TUBB4A: variants seen among roughly 807,000 people sequenced by gnomAD.
TUBB4A encodes the protein tubulin beta 4A class IVa.
A neutral mutation model predicts 35.1 loss-of-function variants in TUBB4A; 13 were observed. That is an observed-to-expected ratio of 0.37 (90% confidence interval 0.24 to 0.59). The LOEUF (loss-of-function observed/expected upper bound fraction) is 0.59. Among genes scored for constraint, TUBB4A ranks in the 20% least tolerant of loss-of-function variants. The pLI is 0.71. For missense variants in TUBB4A, 299 were observed against 647.2 expected (o/e 0.46, Z 5.84); for synonymous variants, 279 against 272.4 (o/e 1.02, Z -0.24).
At chr19:6,496,851 C>A (rs1051399520) in intron 3 of TUBB4A, among the ~76,000 whole-genome samples, 1 of 146,300 alleles carries the variant, frequency 6.8e-6, no homozygotes, top group Non-Finnish European at 1.5e-5. Context: ...AACACTCCCC[C>A]GCCCCCTGCC....
chr19:6,501,233 G>A lies in TUBB4A; in HGVS notation c.277+54C>T, dbSNP rs750657624. The A allele has an allele frequency of 3.4e-6, 5 of 1,477,376 alleles. No individual in the cohort carries two copies. The highest frequency in any genetic ancestry group is 4.7e-6 in the Non-Finnish European group (5 of 1,069,924). The allele number at this position is 1,477,376 out of a possible 1,614,324, so 91.5% of individuals were successfully genotyped here. A position where few individuals can be genotyped will look rare whatever the true frequency, so the allele number is the denominator to read the frequency against. The stretch of plus-strand genomic sequence containing the variant: ...CGGTGGTGGCTGTTGACTCTGTGGT[G>A]TTAGCAGGAATAAGGAGGTTTTCCA... On this transcript the variant is annotated intron_variant, in intron 3 of 3. Coordinates refer to ENST00000264071, the MANE Select transcript of TUBB4A (RefSeq NM_006087.4). This position sits in a 1 kb window ranked among gnomAD's most constrained non-coding sequence, Gnocchi z 4.2.
intron 3 of TUBB4A, among the ~76,000 whole-genome samples, chr19:6,497,989 A>G (rs1599410509): frequency 6.6e-6 from 1 of 150,970 alleles, no homozygotes; most frequent in African/African-American, 2.4e-5. Flanking sequence ...AGGCGGGCGG[A>G]TAGCGAGGTC....
At chr19:6,502,409 G>A (rs1914585317), upstream of TUBB4A, 3 of 595,092 alleles carry the variant, frequency 5.0e-6, no homozygotes, top group Admixed American at 8.3e-5. Context: ...CGGGATGATG[G>A]AGGGGGCTGG....
chr19:6,500,211 C>T (rs1269707820), intron 3 of TUBB4A, among the ~76,000 whole-genome samples: 3 of 152,190 alleles, frequency 2.0e-5, no homozygotes, highest in African/African-American at 7.2e-5. Context: ...TCATGGCAGC[C>T]TCAACCTCCC....
chr19:6,497,027 ATATATATATATATATATATATAT>A (rs1914270518), intron 3 of TUBB4A, among the ~76,000 whole-genome samples: 7 of 15,968 alleles, frequency 4.4e-4, no homozygotes, highest in African/African-American at 6.3e-4. Context: ...AAAAAAAAAT[ATATATATATATATATATATATAT>A]ATATATATAT....
rs1914522524 is a variant in TUBB4A, at chr19:6,501,321, G to C, written c.243C>G (p.Phe81Leu). The C allele has an allele frequency of 1.2e-6, 2 of 1,614,052 alleles. No homozygotes were observed. Among genetic ancestry groups the C allele is most frequent in the Non-Finnish European group, 1.7e-6 (2 of 1,179,950 alleles). ...AGTTGTCCGGCCGAAAGATCTGACC[G>C]AAGGGGCCAGAACGGACAGAGTCCA... Reference protein sequence around the residue: ...GTMDSVRSGPFGQIFRPDNFV... With the variant: ...GTMDSVRSGPLGQIFRPDNFV... The change falls in exon 3 of 4, where the codon TTC (phenylalanine) becomes TTG (leucine). Residue 81 changes from phenylalanine to leucine, a missense_variant. Transcript: ENST00000264071. The surrounding 1 kb of genome is among the most constrained non-coding windows in gnomAD (Gnocchi z 4.2).
intron 3 of TUBB4A, among the ~76,000 whole-genome samples, chr19:6,500,245 T>C (rs1028402927): frequency 2.0e-5 from 3 of 152,192 alleles, no homozygotes; most frequent in African/African-American, 7.2e-5. Context: ...TCTCCTACCT[T>C]AGCCTCACGA....
chr19:6,501,454 G>C lies in TUBB4A; in HGVS notation c.167-57C>G. ...GCGTGCCAGGAACCACAGGCGCCCG[G>C]TAGCATCCTGTTCCCTCCCAGCTGC... On this transcript the variant is annotated intron_variant, in intron 2 of 3. Transcript: ENST00000264071. This position sits in a 1 kb window ranked among gnomAD's most constrained non-coding sequence, Gnocchi z 4.2. The C allele has an allele frequency of 1.2e-6, 2 of 1,601,160 alleles. No individual in the cohort carries two copies. The highest frequency in any genetic ancestry group is 2.2e-5 in the South Asian group (2 of 90,372).
intron 3 of TUBB4A, among the ~76,000 whole-genome samples, chr19:6,497,064 T>TATATAA (rs1219805200): frequency 1.2e-4 from 9 of 74,640 alleles, no homozygotes; most frequent in African/African-American, 1.6e-4. Context: ...TATATATATA[T>TATATAA]AAATTAGCCA....
rs1368862722 is a variant in TUBB4A at position 6,502,240 on chromosome 19, G to A, written c.-28C>T. 4 of 1,508,102 alleles carry A rather than the reference G, an allele frequency of 2.7e-6. No homozygotes were observed. Among genetic ancestry groups the A allele is most frequent in the Non-Finnish European group, 2.6e-6 (3 of 1,136,852 alleles). The allele number at this position is 1,508,102 out of a possible 1,614,324, so 93.4% of individuals were successfully genotyped here. On this transcript the variant is annotated 5_prime_UTR_variant, in exon 1 of 4. Transcript: ENST00000264071. ...CGGTGGCGCTGAGGGTGGACGCGGCGGCGGTGGCACGAGCGCGGGGAGCTG... is the reference window on the plus strand; with the variant it reads ...CGGTGGCGCTGAGGGTGGACGCGGCAGCGGTGGCACGAGCGCGGGGAGCTG...
At chr19:6,496,696 C>T (rs898996990) in intron 3 of TUBB4A, among the ~76,000 whole-genome samples, 3 of 149,578 alleles carry the variant, frequency 2.0e-5, no homozygotes, top group East Asian at 2.0e-4. Flanking sequence ...GGTGAGCGAT[C>T]GTAGTCCCTG....
chr19:6,500,389 CTCCCAAAG>C, intron 3 of TUBB4A, among the ~76,000 whole-genome samples: 1 of 152,306 alleles, frequency 6.6e-6, no homozygotes, highest in East Asian at 1.9e-4. Context: ...CTGACTCAGC[CTCCCAAAG>C]TCCTGGGTTT....
chr19:6,501,503 C>T lies in TUBB4A; in HGVS notation c.166+12G>A, dbSNP rs1266617325. ...GCCCCTTCCCACCTGGAAGGTGCCTCCTTCGCCCTACCTGTGGCCTCGTTG... is the reference window on the plus strand; with the variant it reads ...GCCCCTTCCCACCTGGAAGGTGCCTTCTTCGCCCTACCTGTGGCCTCGTTG... On this transcript the variant is annotated intron_variant, in intron 2 of 3. Coordinates refer to ENST00000264071, the MANE Select transcript of TUBB4A (RefSeq NM_006087.4). The surrounding 1 kb of genome is among the most constrained non-coding windows in gnomAD (Gnocchi z 4.2). 1 of 1,612,758 alleles carries T rather than the reference C, an allele frequency of 6.2e-7. No individual in the cohort carries two copies. The highest frequency in any genetic ancestry group is 8.5e-7 in the Non-Finnish European group (1 of 1,179,144).
Position 6,501,791 on chromosome 19 carries a change from C to T in TUBB4A, c.58-168G>A. 1 of 624,468 alleles carries T rather than the reference C, an allele frequency of 1.6e-6. No individual in the cohort carries two copies. Among genetic ancestry groups the T allele is most frequent in the Non-Finnish European group, 2.8e-6 (1 of 359,946 alleles). 38.7% of individuals were successfully genotyped at this position (624,468 alleles called of 1,614,324 possible). ...GCGAGGATGAGGCAGCAAGAAGGAG[C>T]GGTGGGGGCGGGGTGCAGCCGAGTC... On this transcript the variant is annotated intron_variant, in intron 1 of 3. Transcript: ENST00000264071. This position sits in a 1 kb window ranked among gnomAD's most constrained non-coding sequence, Gnocchi z 4.2.
rs1362437399 is a variant in TUBB4A, at chr19:6,501,814, G to C, written c.58-191C>G. The stretch of plus-strand genomic sequence containing the variant: ...AGCGGTGGGGGCGGGGTGCAGCCGA[G>C]TCAGCACCCAGCGGGGCCGGCTGGT... On this transcript the variant is annotated intron_variant, in intron 1 of 3. Coordinates refer to ENST00000264071, the MANE Select transcript of TUBB4A (RefSeq NM_006087.4). The surrounding 1 kb of genome is among the most constrained non-coding windows in gnomAD (Gnocchi z 4.2). The C allele has an allele frequency of 6.6e-6, 4 of 604,982 alleles. No homozygotes were observed. Among genetic ancestry groups the C allele is most frequent in the Non-Finnish European group, 1.2e-5 (4 of 344,924 alleles). The allele number at this position is 604,982 out of a possible 1,614,324, so 37.5% of individuals were successfully genotyped here.
rs1192524805 is a variant in TUBB4A at position 6,497,024 on chromosome 19, A to AAT, written c.278-805_278-804dup. On this transcript the variant is annotated intron_variant, in intron 3 of 3. Transcript: ENST00000264071. Reference sequence around the variant, plus strand: ...AAAAAAAAAAAAAAAAAAAAAAAAAAATATATATATATATATATATATATA... The same window carrying AAT: ...AAAAAAAAAAAAAAAAAAAAAAAAAAATATATATATATATATATATATATATA... Among the ~76,000 whole-genome samples the AAT allele has an allele frequency of 9.1e-3, 201 of 21,986 alleles. 3 individuals carry two copies. The highest frequency in any genetic ancestry group is 0.015 in the East Asian group (7 of 456). The allele number at this position is 21,986 out of a possible 152,430, so 14.4% of individuals were successfully genotyped here. A position where few individuals can be genotyped will look rare whatever the true frequency, so the allele number is the denominator to read the frequency against.
At chr19:6,499,828 A>C in intron 3 of TUBB4A, among the ~76,000 whole-genome samples, 2 of 145,944 alleles carry the variant, frequency 1.4e-5, no homozygotes, top group Non-Finnish European at 1.5e-5. Context: ...ACGAAGTTTC[A>C]CTCTTGTTGC....
chr19:6,497,248 T>C (rs907337019), intron 3 of TUBB4A, among the ~76,000 whole-genome samples: 4 of 150,458 alleles, frequency 2.7e-5, no homozygotes, highest in Non-Finnish European at 4.4e-5. Context: ...AAGATTAATA[T>C]TTAACATCAT....
rs756023196 is a variant in TUBB4A, at chr19:6,495,481, AGCT to A, written c.1015_1017del (p.Ser339del). 6.2e-7 allele frequency: 1 copy of A among 1,614,198 alleles called. No individual in the cohort carries two copies. Among genetic ancestry groups the A allele is most frequent in the Non-Finnish European group, 8.5e-7 (1 of 1,180,034 alleles). ...TTGTTGGGGATCCACTCCACGAAGT[AGCT>A]GCTGTTCTTGCTCTGCACGCTCAGC... is the stretch of plus-strand genomic sequence containing the variant. On this transcript the variant is annotated inframe_deletion, in exon 4 of 4. Coordinates refer to ENST00000264071, the MANE Select transcript of TUBB4A (RefSeq NM_006087.4). The surrounding 1 kb of genome is among the most constrained non-coding windows in gnomAD (Gnocchi z 8.7).
Sources: gnomAD v4.1 joint callset for allele counts (sites outside exome capture counted in the v4.1 genomes callset) on GRCh38, gnomAD v4.1.1 for gene constraint, Gnocchi (gnomAD v3.1) non-coding constraint, MANE v1.5 for transcripts, NCBI Gene and HGNC (gene_info 2026-07-23, HGNC 2026-07-21) for gene names.